Variants in MARK1 observed in about 807,000 individuals in gnomAD.
MARK1 encodes the protein serine/threonine-protein kinase MARK1.
Under a neutral mutation model 96.3 loss-of-function variants are expected in MARK1, and 40 were observed. The observed-to-expected ratio is 0.42, with a 90% CI of 0.32 to 0.54. The LOEUF (loss-of-function observed/expected upper bound fraction) is 0.54, where lower values mean the gene tolerates loss of function less well. Ranked by LOEUF, MARK1 falls within the 20% of genes least tolerant of loss-of-function variation. MARK1 has a pLI of 0.16. For synonymous variants in MARK1, 317 were observed against 341.2 expected (o/e 0.93, Z 0.78); for missense variants, 719 against 984.6 (o/e 0.73, Z 3.61).
intron 1 of MARK1, among the ~76,000 whole-genome samples, chr1:220,568,736 T>C (rs1428670754): frequency 6.6e-6 from 1 of 152,172 alleles, no homozygotes; most frequent in Non-Finnish European, 1.5e-5. Context: ...TTGAAGCATG[T>C]GCATGGAGGC....
At chr1:220,541,822 A>G (rs1661168331) in intron 1 of MARK1, among the ~76,000 whole-genome samples, 1 of 152,198 alleles carries the variant, frequency 6.6e-6, no homozygotes, top group Admixed American at 6.6e-5. Context: ...TGGATGTTAT[A>G]TTTTTAATCC....
intron 9 of MARK1, among the ~76,000 whole-genome samples, chr1:220,622,923 A>G (rs1229981386): frequency 6.6e-6 from 1 of 152,192 alleles, no homozygotes; most frequent in Non-Finnish European, 1.5e-5. Context: ...ATCTAAGTAT[A>G]GAGTGTATAT....
chr1:220,615,771 A>C (rs1046629888), intron 6 of MARK1, among the ~76,000 whole-genome samples, 168 bp from the exon 7 acceptor site: 8 of 152,168 alleles, frequency 5.3e-5, no homozygotes, highest in African/African-American at 1.7e-4. Flanking sequence ...TTTAACAGTG[A>C]AAGTTTCATC....
intron 1 of MARK1, among the ~76,000 whole-genome samples, chr1:220,553,079 A>T (rs1416946835): frequency 6.6e-6 from 1 of 152,156 alleles, no homozygotes; most frequent in African/African-American, 2.4e-5. Context: ...ATCTTTTCTG[A>T]GTATGTACAT....
Position 220,528,846 on chromosome 1 carries a change from G to T in MARK1, c.24G>T (p.Pro8=). MSARTPL[P]TVNERDTENH... ...AAATGTCGGCCCGGACGCCATTGCC[G>T]ACGGTGAACGAGCGGGACACGGAAA... Residue 8 remains proline (P), a synonymous_variant, in exon 1 of 18, where the codon CCG becomes CCT. Transcript: ENST00000366917. The T allele has an allele frequency of 1.3e-6, 2 of 1,569,776 alleles. No homozygotes were observed. Among genetic ancestry groups the T allele is most frequent in the Non-Finnish European group, 1.7e-6 (2 of 1,157,098 alleles).
At chr1:220,626,752 G>T (rs1252723403) in intron 9 of MARK1, 6 of 336,246 alleles carry the variant, frequency 1.8e-5, no homozygotes, top group Non-Finnish European at 2.9e-5. Context: ...CACCCTAGAG[G>T]CGGAGGTTGC....
At chr1:220,635,673 T>G in intron 12 of MARK1, 144 bp downstream of exon 12, 1 of 1,162,172 alleles carries the variant, frequency 8.6e-7, no homozygotes, top group Non-Finnish European at 1.2e-6. Flanking sequence ...ATATAATCCC[T>G]TTTGCAGGGA....
intron 1 of MARK1, among the ~76,000 whole-genome samples, chr1:220,550,264 C>T (rs1661770054): frequency 6.6e-6 from 1 of 152,172 alleles, no homozygotes; most frequent in Non-Finnish European, 1.5e-5. Flanking sequence ...TAGTATTCTT[C>T]TGTTGTCTTT....
At chr1:220,608,406 T>G (rs1446576115) in intron 6 of MARK1, among the ~76,000 whole-genome samples, 1 of 152,240 alleles carries the variant, frequency 6.6e-6, no homozygotes, top group Non-Finnish European at 1.5e-5. Flanking sequence ...TGATATCCCC[T>G]TTATCATTTT....
intron 3 of MARK1, among the ~76,000 whole-genome samples, chr1:220,595,043 C>G (rs991854477): frequency 1.3e-5 from 2 of 152,124 alleles, no homozygotes; most frequent in Non-Finnish European, 2.9e-5. Context: ...TCGATTATAA[C>G]AAATGTACCT....
intron 6 of MARK1, among the ~76,000 whole-genome samples, chr1:220,614,875 T>C (rs770420593): frequency 3.3e-5 from 5 of 152,210 alleles, no homozygotes; most frequent in Non-Finnish European, 5.9e-5. Flanking sequence ...TACTGAAATA[T>C]CAGTTTACTT....
chr1:220,607,734 C>T (rs894924385), intron 6 of MARK1, among the ~76,000 whole-genome samples: 6 of 152,162 alleles, frequency 3.9e-5, no homozygotes, highest in Non-Finnish European at 7.4e-5. Context: ...TACGTTCCAT[C>T]AATACCTGGT....
intron 4 of MARK1, among the ~76,000 whole-genome samples, chr1:220,598,703 T>G (rs1194021148): frequency 1.3e-5 from 2 of 151,866 alleles, no homozygotes; most frequent in African/African-American, 4.8e-5. Flanking sequence ...TAAAAAAAAA[T>G]GTCTTTCTGG....
chr1:220,556,502 A>AAC (rs1662267782), intron 1 of MARK1, among the ~76,000 whole-genome samples: 1 of 148,920 alleles, frequency 6.7e-6, no homozygotes, highest in East Asian at 2.0e-4. Context: ...AAAAAAAAAA[A>AAC]AAAACAAATT....
Position 220,635,884 on chromosome 1 carries a change from A to G in MARK1, c.1328A>G (p.Asn443Ser). The G allele has an allele frequency of 6.2e-7, 1 of 1,613,918 alleles. No homozygotes were observed. Among genetic ancestry groups the G allele is most frequent in the East Asian group, 2.2e-5 (1 of 44,866 alleles). ...TCATATACCAAAAGACCTCAGGCTAACAGTGTGGAAAGTGAACAGAAAGAG... is the reference window on the plus strand; with the variant it reads ...TCATATACCAAAAGACCTCAGGCTAGCAGTGTGGAAAGTGAACAGAAAGAG... ...AVSYTKRPQA[N>S]SVESEQKEEW... Residue 443 changes from asparagine (N) to serine (S), a missense_variant, in exon 13 of 18, where the codon AAC (asparagine) becomes AGC (serine). Coordinates refer to ENST00000366917, the MANE Select transcript of MARK1 (RefSeq NM_018650.5).
At chr1:220,593,318 A>G (rs555589166) in intron 3 of MARK1, among the ~76,000 whole-genome samples, 1 of 152,242 alleles carries the variant, frequency 6.6e-6, no homozygotes, top group South Asian at 2.1e-4. Context: ...TGACTTCTAA[A>G]TGTTTAAATG....
intron 9 of MARK1, chr1:220,626,322 G>A: frequency 1.8e-6 from 1 of 546,974 alleles, no homozygotes; most frequent in Non-Finnish European, 3.7e-6. Context: ...TCATGACTAT[G>A]TCTTCTCCTA....
chr1:220,659,391 C>A (rs563660017), intron 17 of MARK1, among the ~76,000 whole-genome samples: 43 of 152,288 alleles, frequency 2.8e-4, no homozygotes, highest in African/African-American at 9.4e-4. Context: ...AGGTTCTCAG[C>A]CAGAGTGCAT....
At chr1:220,552,311 A>AT (rs1558253216) in intron 1 of MARK1, among the ~76,000 whole-genome samples, 3 of 152,210 alleles carry the variant, frequency 2.0e-5, no homozygotes, top group Non-Finnish European at 4.4e-5. Context: ...TAAGGATAAT[A>AT]GTGAGAACAG....
Sources: allele counts gnomAD v4.1 joint callset (sites outside exome capture counted in the v4.1 genomes callset), GRCh38; gene constraint gnomAD v4.1.1; transcripts MANE v1.5; gene names NCBI Gene and HGNC (gene_info 2026-07-23, HGNC 2026-07-21).